SARDH: variants seen among roughly 807,000 people sequenced by gnomAD.
SARDH encodes sarcosine dehydrogenase.
SARDH carries 95 observed loss-of-function variants against 109.1 expected under a neutral mutation model. The observed-to-expected ratio is 0.87, with a 90% confidence interval of 0.74 to 1.03. The LOEUF is 1.03. Among genes scored for constraint, SARDH ranks in the 50% least tolerant of loss-of-function variants. SARDH has a pLI of 0.00. For synonymous variants in SARDH, 572 were observed against 534.8 expected, an observed-to-expected ratio of 1.07 and a Z score of -0.96; for missense variants, 1,267 against 1,287.8, an observed-to-expected ratio of 0.98 and a Z score of 0.25.
At position 133,685,173 on chromosome 9, in the gene SARDH, C is replaced by T. The variant is rs1830840485; in HGVS notation, c.2163+20G>A. The T allele has an allele frequency of 1.9e-6, 3 of 1,610,418 alleles. No individual in the cohort carries two copies. The highest frequency in any genetic ancestry group is 1.3e-5 in the African/African-American group (1 of 74,866). On this transcript the variant is annotated intron_variant, in intron 17 of 20. Coordinates refer to ENST00000439388, the MANE Select transcript of SARDH (RefSeq NM_001134707.2). ...ATGCTGCCACCCACGACCCAGAGGACGTGGCCAGCTGGAACCTACCAGGTG... is the reference window on the plus strand; with the variant it reads ...ATGCTGCCACCCACGACCCAGAGGATGTGGCCAGCTGGAACCTACCAGGTG...
At chr9:133,698,094 T>A (rs1278023782) in intron 13 of SARDH, among the ~76,000 whole-genome samples, 3 of 149,178 alleles carry the variant, frequency 2.0e-5, no homozygotes, top group African/African-American at 7.4e-5. Context: ...GGTCAATATA[T>A]AAAAACACAC....
chr9:133,681,337 C>T (rs129898), intron 17 of SARDH, among the ~76,000 whole-genome samples: 71,736 of 152,102 alleles, frequency 0.47, 19,099 homozygotes, highest in African/African-American at 0.74. Flanking sequence ...GCCAAGAGGT[C>T]GAGACACTCG....
rs78378038 is a variant in SARDH, at chr9:133,735,070, C to G, written c.-30-867G>C. ...GAGAGCCAGGAGGAGGGAGAGGCAT[C>G]GTGGATGCTACAGCAGTGGCCGCAG... On this transcript the variant is annotated intron_variant, in intron 1 of 20. Coordinates refer to ENST00000439388, the MANE Select transcript of SARDH (RefSeq NM_001134707.2). 1.1e-3 allele frequency among the ~76,000 whole-genome samples: 174 copies of G among 152,226 alleles called. 4 individuals carry two copies. In the East Asian group the frequency reaches 0.032, roughly 28 times the overall value.
At chr9:133,670,950 G>T (rs1244182734) in intron 18 of SARDH, among the ~76,000 whole-genome samples, 198 bp from the exon 19 acceptor site, 1 of 152,174 alleles carries the variant, frequency 6.6e-6, no homozygotes, top group Non-Finnish European at 1.5e-5. Context: ...CGAGCAGACT[G>T]CCCATCAGCA....
rs201591618 is a variant in SARDH at position 133,712,575 on chromosome 9, T to A, written c.1328+44A>T. On this transcript the variant is annotated intron_variant, in intron 10 of 20. Coordinates refer to ENST00000439388, the MANE Select transcript of SARDH (RefSeq NM_001134707.2). This position sits in a 1 kb window ranked among gnomAD's most constrained non-coding sequence, Gnocchi z 4.1. The stretch of plus-strand genomic sequence containing the variant: ...CTCGCTGTTTACCCCACGCCACCTG[T>A]CCTGAGTGGCGGGCCCTGCCCTTAG... The A allele has an allele frequency of 1.2e-5, 18 of 1,536,066 alleles. No homozygotes were observed. Among genetic ancestry groups the A allele is most frequent in the African/African-American group, 2.7e-5 (2 of 73,684 alleles).
At chr9:133,698,915 G>T (rs139246706) in intron 13 of SARDH, among the ~76,000 whole-genome samples, 108 of 152,278 alleles carry the variant, frequency 7.1e-4, no homozygotes, top group African/African-American at 2.5e-3. Flanking sequence ...AGATGAATTG[G>T]ACAGCATCAA....
chr9:133,668,159 C>G (rs1057128819), intron 19 of SARDH, among the ~76,000 whole-genome samples: 1 of 151,810 alleles, frequency 6.6e-6, no homozygotes, highest in Non-Finnish European at 1.5e-5. Flanking sequence ...GCAAGGGGCC[C>G]CCTCTCCAGG....
At chr9:133,661,068 G>A (rs148047312), downstream of SARDH, among the ~76,000 whole-genome samples, 1,697 of 152,000 alleles carry the variant, frequency 0.011, 31 homozygotes, top group African/African-American at 0.038. Context: ...GGCTGGGCGC[G>A]GTGGCTCACG....
Position 133,693,962 on chromosome 9 carries a change from T to C in SARDH, c.1921+296A>G, listed in dbSNP as rs1243723592. Among the ~76,000 whole-genome samples, 1 of 152,204 alleles carries C rather than the reference T, an allele frequency of 6.6e-6. No homozygotes were observed. The highest frequency in any genetic ancestry group is 1.5e-5 in the Non-Finnish European group (1 of 68,022). Reference sequence around the variant, plus strand: ...CACGGCCTAGCATTGGTACGCTTTGTTCCGGGAAACCGAGCCGAGCACGCC... The same window carrying C: ...CACGGCCTAGCATTGGTACGCTTTGCTCCGGGAAACCGAGCCGAGCACGCC... On this transcript the variant is annotated intron_variant, in intron 15 of 20. Coordinates refer to ENST00000439388, the MANE Select transcript of SARDH (RefSeq NM_001134707.2). This position sits in a 1 kb window ranked among gnomAD's most constrained non-coding sequence, Gnocchi z 5.6.
At chr9:133,679,700 C>A (rs1830631325) in intron 17 of SARDH, among the ~76,000 whole-genome samples, 1 of 152,262 alleles carries the variant, frequency 6.6e-6, no homozygotes, top group South Asian at 2.1e-4. Context: ...CCCCACCCTG[C>A]TTCCTCCTCT....
chr9:133,662,092 T>G (rs929233673), downstream of SARDH, among the ~76,000 whole-genome samples: 17 of 151,818 alleles, frequency 1.1e-4, no homozygotes, highest in African/African-American at 4.1e-4. This position sits in a 1 kb window ranked among gnomAD's most constrained non-coding sequence, Gnocchi z 5.1. Context: ...CCCAGTGCCC[T>G]CCCCGAGGGG....
chr9:133,696,350 C>T lies in SARDH; in HGVS notation c.1680G>A (p.Glu560=), dbSNP rs1287050540. ...FPPHHDTIKK[E]CLACRGAAAV... ...CGGCGGCCCCTCTGCAGGCCAGGCA[C>T]TCCTTCTTGATCTGAAAAGTTCCAG... Residue 560 remains glutamate (E), a synonymous_variant, in exon 14 of 21, where the codon GAG becomes GAA. Coordinates refer to ENST00000439388, the MANE Select transcript of SARDH (RefSeq NM_001134707.2). The T allele has an allele frequency of 1.9e-6, 3 of 1,614,068 alleles. No individual in the cohort carries two copies. The highest frequency in any genetic ancestry group is 1.1e-5 in the South Asian group (1 of 91,084).
intron 3 of SARDH, 141 bp from the exon 4 acceptor site, chr9:133,731,625 T>C (rs1588457746): frequency 2.5e-6 from 2 of 802,634 alleles, no homozygotes; most frequent in Non-Finnish European, 3.9e-6. Flanking sequence ...CCCCGGAGCC[T>C]GTCCCTTGAA....
chr9:133,699,912 G>T (rs75175839), intron 13 of SARDH, among the ~76,000 whole-genome samples: 5,150 of 152,302 alleles, frequency 0.034, 121 homozygotes, highest in South Asian at 0.091. Flanking sequence ...CTGGTACGTG[G>T]ATGTTCACAG....
chr9:133,717,131 C>G (rs550494823), intron 8 of SARDH, among the ~76,000 whole-genome samples, 195 bp downstream of exon 8: 40 of 152,290 alleles, frequency 2.6e-4, no homozygotes, highest in Non-Finnish European at 4.0e-4. Flanking sequence ...TTGTGAAGCC[C>G]AGGCCTCTCG....
intron 15 of SARDH, 101 bp from the exon 16 acceptor site, chr9:133,690,628 C>T: frequency 7.4e-7 from 1 of 1,357,532 alleles, no homozygotes; most frequent in Non-Finnish European, 1.0e-6. Flanking sequence ...AACAAATGCC[C>T]TCTCAGGGGC....
Position 133,670,613 on chromosome 9 carries a change from GC to G in SARDH, c.2465del (p.Arg822ProfsTer62). 6.3e-7 allele frequency: 1 copy of G among 1,577,534 alleles called. No individual in the cohort carries two copies. Among genetic ancestry groups the G allele is most frequent in the South Asian group, 1.2e-5 (1 of 86,306 alleles). On this transcript the variant is annotated frameshift_variant, in exon 19 of 21. Coordinates refer to ENST00000439388, the MANE Select transcript of SARDH (RefSeq NM_001134707.2). LOFTEE classifies it high-confidence loss of function. ...CCATGGTGAAGCACACCAGGCGCCG[GC>G]GGAGGCCTGCGGCCCGCTGCTGCTC... is the stretch of plus-strand genomic sequence containing the variant. ...ALEQQRAAGL[R>X]RRLVCFTMED... is the part of the protein sequence containing the mutation.
chr9:133,713,449 C>T (rs543507395), intron 8 of SARDH, among the ~76,000 whole-genome samples: 26 of 152,240 alleles, frequency 1.7e-4, no homozygotes, highest in Non-Finnish European at 3.2e-4. Flanking sequence ...CATGCTGCGG[C>T]TCCCCCAGTG....
At chr9:133,662,547 G>A (rs1265726113), downstream of SARDH, among the ~76,000 whole-genome samples, 2 of 152,302 alleles carry the variant, frequency 1.3e-5, no homozygotes, top group East Asian at 3.9e-4. This position sits in a 1 kb window ranked among gnomAD's most constrained non-coding sequence, Gnocchi z 5.1. Context: ...CTGGTCTCCA[G>A]CCGCAGCCCC....
Sources: gnomAD v4.1 joint callset for allele counts (sites outside exome capture counted in the v4.1 genomes callset) on GRCh38, gnomAD v4.1.1 for gene constraint, Gnocchi (gnomAD v3.1) non-coding constraint, MANE v1.5 for transcripts, NCBI Gene and HGNC (gene_info 2026-07-23, HGNC 2026-07-21) for gene names.